The following CDC42BPA variants were observed in gnomAD, a reference collection of about 807,000 sequenced individuals.
The protein encoded by CDC42BPA is serine/threonine-protein kinase MRCK alpha.
Under a neutral mutation model 223.5 loss-of-function variants are expected in CDC42BPA, and 80 were observed. That is an observed-to-expected ratio of 0.36 (90% CI 0.30 to 0.43). The LOEUF is 0.43. Among genes scored for constraint, CDC42BPA ranks in the 20% least tolerant of loss-of-function variants. CDC42BPA has a pLI of 1.00. For missense variants in CDC42BPA, 1,743 were observed against 2,099.9 expected, an observed-to-expected ratio of 0.83 and a Z score of 3.32; for synonymous variants, 694 against 718.6, an observed-to-expected ratio of 0.97 and a Z score of 0.55.
At chr1:227,028,121 CAA>C (rs10634100) in intron 30 of CDC42BPA, among the ~76,000 whole-genome samples, 3 of 140,278 alleles carry the variant, frequency 2.1e-5, no homozygotes, top group Admixed American at 7.1e-5. Flanking sequence ...CTCCATCTCT[CAA>C]AAAAAAAAAA....
Position 227,028,751 on chromosome 1 carries a change from C to G in CDC42BPA, c.4338G>C (p.Leu1446=). The part of the protein sequence containing the change: ...CAVEISSKEY[L]LCFNSIGIYT... ...ATATCCCAATGCTGTTAAAACACAG[C>G]AGATATTCTTTACTGGAGATCTCAA... The change falls in exon 30 of 37, where the codon CTG becomes CTC. Residue 1446 remains leucine (L), a synonymous_variant. Coordinates refer to ENST00000366766, the MANE Select transcript of CDC42BPA (RefSeq NM_001394014.1). 2 of 1,614,154 alleles carry G rather than the reference C, an allele frequency of 1.2e-6. No homozygotes were observed. The highest frequency in any genetic ancestry group is 1.7e-6 in the Non-Finnish European group (2 of 1,180,000).
At chr1:227,090,168 C>T (rs1268475944) in intron 16 of CDC42BPA, among the ~76,000 whole-genome samples, 1 of 152,156 alleles carries the variant, frequency 6.6e-6, no homozygotes, top group Non-Finnish European at 1.5e-5. Context: ...GTTAGCTTTA[C>T]AAGACTTTAT....
At chr1:227,258,057 C>T (rs1485193515) in intron 1 of CDC42BPA, among the ~76,000 whole-genome samples, 4 of 150,100 alleles carry the variant, frequency 2.7e-5, no homozygotes, top group African/African-American at 1.0e-4. Context: ...TGCCTGCAGT[C>T]CCAGCTACTC....
At chr1:227,303,594 T>C (rs373769212) in intron 1 of CDC42BPA, among the ~76,000 whole-genome samples, 1 of 152,208 alleles carries the variant, frequency 6.6e-6, no homozygotes, top group Non-Finnish European at 1.5e-5. Context: ...GCCCTACCCA[T>C]ACCTCAACTT....
intron 1 of CDC42BPA, among the ~76,000 whole-genome samples, chr1:227,258,131 C>T (rs558043181): frequency 5.2e-4 from 70 of 135,670 alleles, no homozygotes; most frequent in Non-Finnish European, 6.7e-4. Flanking sequence ...GCTTAGAGGG[C>T]GCCACTACAC....
chr1:227,087,052 G>A (rs986141676), intron 16 of CDC42BPA, among the ~76,000 whole-genome samples: 14 of 152,012 alleles, frequency 9.2e-5, no homozygotes, highest in African/African-American at 2.9e-4. Flanking sequence ...ATCTGTGCAC[G>A]TCTTTTCATT....
At chr1:227,071,361 T>G (rs1446651037) in intron 20 of CDC42BPA, among the ~76,000 whole-genome samples, 1 of 151,898 alleles carries the variant, frequency 6.6e-6, no homozygotes. Flanking sequence ...GAAAATCAAT[T>G]TCAAATAAAT....
chr1:227,008,422 T>A (rs1173020564), intron 34 of CDC42BPA, among the ~76,000 whole-genome samples: 1 of 152,150 alleles, frequency 6.6e-6, no homozygotes, highest in Non-Finnish European at 1.5e-5. Flanking sequence ...TCAGCACAAA[T>A]ACTTAAGGCT....
intron 2 of CDC42BPA, chr1:227,234,886 T>C (rs1302083691): frequency 6.6e-6 from 1 of 151,818 alleles, no homozygotes; most frequent in Non-Finnish European, 1.5e-5. Context: ...TACGTAAACT[T>C]TCTTAAAACA....
Position 227,129,154 on chromosome 1 carries a change from T to C in CDC42BPA, c.1468A>G (p.Lys490Glu), listed in dbSNP as rs2149503728. The C allele has an allele frequency of 6.5e-7, 1 of 1,546,600 alleles. No individual in the cohort carries two copies. Among genetic ancestry groups the C allele is most frequent in the Non-Finnish European group, 8.9e-7 (1 of 1,121,492 alleles). The change falls in exon 11 of 37, where the codon AAA becomes GAA. Residue 490 changes from lysine to glutamate, a missense_variant. Around this residue, in one of 6 missense-constraint regions of CDC42BPA, gnomAD observed 464 missense variants for 488.0 expected, o/e 0.95. Transcript: ENST00000366766. ...PLTASKDLEIKNLKEEIEKLR... is the reference protein window; with the variant it reads ...PLTASKDLEIENLKEEIEKLR... Reference sequence around the variant, plus strand: ...TTTTCAATTTCTTCTTTTAAGTTTTTTATTTCTAAATCTTTGCTTGCTGTT... The same window carrying C: ...TTTTCAATTTCTTCTTTTAAGTTTTCTATTTCTAAATCTTTGCTTGCTGTT...
chr1:227,045,363 A>G (rs761581777), intron 23 of CDC42BPA, among the ~76,000 whole-genome samples: 1 of 152,166 alleles, frequency 6.6e-6, no homozygotes, highest in Non-Finnish European at 1.5e-5. Context: ...TGTGGATGTG[A>G]TCTTTTTTAA....
intron 21 of CDC42BPA, among the ~76,000 whole-genome samples, chr1:227,064,601 A>C (rs1304869175): frequency 1.3e-5 from 2 of 152,142 alleles, no homozygotes; most frequent in Admixed American, 1.3e-4. Context: ...TATTACCTAG[A>C]GAAAGAGGCT....
intron 21 of CDC42BPA, among the ~76,000 whole-genome samples, chr1:227,056,610 T>C (rs907254983): frequency 6.6e-6 from 1 of 152,110 alleles, no homozygotes; most frequent in Non-Finnish European, 1.5e-5. Context: ...CAGGATGGTC[T>C]CAAACCCTGG....
At chr1:227,131,462 T>G (rs551148181) in intron 10 of CDC42BPA, among the ~76,000 whole-genome samples, 2 of 152,322 alleles carry the variant, frequency 1.3e-5, no homozygotes, top group South Asian at 4.1e-4. Flanking sequence ...AAATGAAAGA[T>G]GTATGAAACT....
At chr1:227,115,484 T>G (rs189075833) in intron 12 of CDC42BPA, among the ~76,000 whole-genome samples, 1 of 150,654 alleles carries the variant, frequency 6.6e-6, no homozygotes. Context: ...AAATTTTAAT[T>G]TCTTAGTCAT....
chr1:227,298,149 A>C (rs1427851408), intron 1 of CDC42BPA, among the ~76,000 whole-genome samples: 2 of 151,752 alleles, frequency 1.3e-5, no homozygotes, highest in African/African-American at 4.8e-5. Context: ...AAAATTTCAC[A>C]CATATGGCAT....
At chr1:227,141,845 T>A (rs1361297131) in intron 9 of CDC42BPA, among the ~76,000 whole-genome samples, 2 of 152,192 alleles carry the variant, frequency 1.3e-5, no homozygotes, top group Admixed American at 6.5e-5. Flanking sequence ...GGCTTGTGCC[T>A]ATTGTCCCAG....
At chr1:227,111,280 A>G (rs1686857721) in intron 14 of CDC42BPA, among the ~76,000 whole-genome samples, 1 of 152,212 alleles carries the variant, frequency 6.6e-6, no homozygotes, top group South Asian at 2.1e-4. Flanking sequence ...CAAAAAAGAT[A>G]AAAGGCAGAT....
chr1:227,263,691 T>C (rs2813967), intron 1 of CDC42BPA, among the ~76,000 whole-genome samples: 94,997 of 151,242 alleles, frequency 0.63, 29,986 homozygotes, highest in East Asian at 0.75. Flanking sequence ...AGGTGATTCT[T>C]CTGCCTCAGG....
Sources: allele counts gnomAD v4.1 joint callset (sites outside exome capture counted in the v4.1 genomes callset), GRCh38; gene constraint gnomAD v4.1.1; regional missense constraint gnomAD v4.1.1; transcripts MANE v1.5; gene names NCBI Gene and HGNC (gene_info 2026-07-23, HGNC 2026-07-21).